The following TENM3 variants were observed in gnomAD, a reference collection of about 807,000 sequenced individuals.
The protein encoded by TENM3 is teneurin-3.
TENM3 carries 63 observed loss-of-function variants against 255.1 expected under a neutral mutation model. The ratio of observed to expected loss-of-function variants is 0.25; its 90% CI spans 0.20 to 0.30. TENM3 has a LOEUF of 0.30. Ranked by LOEUF, TENM3 falls within the 10% of genes least tolerant of loss-of-function variation. The pLI, the probability that TENM3 is intolerant of heterozygous loss-of-function variation, is 1.00. For synonymous variants in TENM3, 1,306 were observed against 1,322.3 expected, an observed-to-expected ratio of 0.99 and a Z score of 0.27; for missense variants, 2,929 against 3,461.1, an observed-to-expected ratio of 0.85 and a Z score of 3.86.
the TENM3 span, among the ~76,000 whole-genome samples, chr4:181,588,356 C>T: frequency 6.6e-6 from 1 of 152,090 alleles, no homozygotes; most frequent in Non-Finnish European, 1.5e-5. Context: ...CCTAAAAGAA[C>T]CTTGAGAATA....
intron 3 of TENM3, among the ~76,000 whole-genome samples, chr4:182,598,628 T>A (rs958758164): frequency 2.0e-5 from 3 of 152,246 alleles, no homozygotes; most frequent in Non-Finnish European, 2.9e-5. Context: ...TTGTCCATAA[T>A]GCTTTATTTT....
At chr4:182,523,184 TTTGTTGTTG>T (rs200760976) in intron 3 of TENM3, among the ~76,000 whole-genome samples, 8 of 151,258 alleles carry the variant, frequency 5.3e-5, no homozygotes, top group African/African-American at 1.5e-4. Flanking sequence ...TGTGTGTGGT[TTTGTTGTTG>T]TTGTTGTTGT....
chr4:181,491,584 A>C, the TENM3 span, among the ~76,000 whole-genome samples: 1 of 152,094 alleles, frequency 6.6e-6, no homozygotes, highest in Non-Finnish European at 1.5e-5. Flanking sequence ...AGTATTTCCC[A>C]TATGTGAGAT....
the TENM3 span, among the ~76,000 whole-genome samples, chr4:181,751,634 C>G: frequency 6.6e-6 from 1 of 151,932 alleles, no homozygotes; most frequent in Non-Finnish European, 1.5e-5. Flanking sequence ...CTAAGGGAAG[C>G]CCTAGGGTAG....
At chr4:181,784,270 A>G in the TENM3 span, among the ~76,000 whole-genome samples, 1 of 151,942 alleles carries the variant, frequency 6.6e-6, no homozygotes. Context: ...TGAATCACAT[A>G]TGAGTGACAA....
the TENM3 span, among the ~76,000 whole-genome samples, chr4:181,674,460 G>A: frequency 1.3e-5 from 2 of 150,174 alleles, no homozygotes; most frequent in African/African-American, 4.9e-5. Flanking sequence ...GAAATGCTGA[G>A]TCAGACAACA....
intron 12 of TENM3, among the ~76,000 whole-genome samples, chr4:182,690,314 A>G (rs1456655126): frequency 6.6e-6 from 1 of 152,236 alleles, no homozygotes; most frequent in African/African-American, 2.4e-5. Flanking sequence ...GGGCAGTGGC[A>G]GCAGGTTGTT....
At chr4:181,551,010 T>C in the TENM3 span, among the ~76,000 whole-genome samples, 1 of 152,178 alleles carries the variant, frequency 6.6e-6, no homozygotes, top group South Asian at 2.1e-4. Context: ...AGTTACTGGG[T>C]AAGGAACTCA....
At chr4:182,172,195 TAC>T (rs1561165170) in intron 1 of TENM3, among the ~76,000 whole-genome samples, 1 of 152,222 alleles carries the variant, frequency 6.6e-6, no homozygotes, top group African/African-American at 2.4e-5. Flanking sequence ...AATTTGTATT[TAC>T]TAACACATGT....
At chr4:182,770,324 C>A (rs530548272) in intron 22 of TENM3, among the ~76,000 whole-genome samples, 1 of 152,132 alleles carries the variant, frequency 6.6e-6, no homozygotes, top group African/African-American at 2.4e-5. Flanking sequence ...TCGTTAAAAC[C>A]CCGCTTTCTT....
At chr4:182,581,949 A>G (rs1407003127) in intron 3 of TENM3, among the ~76,000 whole-genome samples, 1 of 152,202 alleles carries the variant, frequency 6.6e-6, no homozygotes, top group East Asian at 1.9e-4. Context: ...GAGGAAAATC[A>G]AAAGCTCAAA....
chr4:182,255,948 GTTC>G (rs1758364576), intron 1 of TENM3, among the ~76,000 whole-genome samples: 1 of 152,174 alleles, frequency 6.6e-6, no homozygotes, highest in African/African-American at 2.4e-5. Context: ...TTTCTTTGCT[GTTC>G]TTTGTACATC....
chr4:182,036,161 G>A, the TENM3 span, among the ~76,000 whole-genome samples: 13 of 152,068 alleles, frequency 8.5e-5, no homozygotes, highest in African/African-American at 3.1e-4. Flanking sequence ...GCACGTAGTT[G>A]TTGTATGTTA....
the TENM3 span, among the ~76,000 whole-genome samples, chr4:181,956,444 T>A: frequency 6.6e-6 from 1 of 152,238 alleles, no homozygotes; most frequent in Non-Finnish European, 1.5e-5. Context: ...CTTTATAATG[T>A]ATGTTCCATG....
chr4:182,206,304 T>A (rs930365113), intron 1 of TENM3, among the ~76,000 whole-genome samples: 1 of 152,180 alleles, frequency 6.6e-6, no homozygotes, highest in Non-Finnish European at 1.5e-5. Context: ...TTGGGGATGA[T>A]TGCTTTCCCC....
chr4:182,263,191 C>G (rs937221781), intron 1 of TENM3, among the ~76,000 whole-genome samples: 1 of 152,000 alleles, frequency 6.6e-6, no homozygotes, highest in Non-Finnish European at 1.5e-5. Flanking sequence ...GGTCCTATAA[C>G]GTCTTGCGAA....
chr4:182,369,218 AC>A (rs1356924001), intron 3 of TENM3, among the ~76,000 whole-genome samples: 1 of 152,142 alleles, frequency 6.6e-6, no homozygotes, highest in Admixed American at 6.5e-5. Context: ...TTTGGACTTT[AC>A]TCAACACTTA....
the TENM3 span, among the ~76,000 whole-genome samples, chr4:181,901,237 T>C: frequency 6.6e-6 from 1 of 152,180 alleles, no homozygotes; most frequent in East Asian, 1.9e-4. Flanking sequence ...CTGGATGGAA[T>C]CACATGGCCA....
At chr4:182,770,997 TGTCA>T (rs1475026066) in intron 22 of TENM3, among the ~76,000 whole-genome samples, 2 of 152,222 alleles carry the variant, frequency 1.3e-5, no homozygotes, top group Non-Finnish European at 2.9e-5. Context: ...CTTAACCCTC[TGTCA>T]TTCTAACTGT....
Sources: gnomAD v4.1 joint callset for allele counts (sites outside exome capture counted in the v4.1 genomes callset) on GRCh38, gnomAD v4.1.1 for gene constraint, MANE v1.5 for transcripts, NCBI Gene and HGNC (gene_info 2026-07-23, HGNC 2026-07-21) for gene names.